NUP214: variants seen among roughly 807,000 people sequenced by gnomAD.
NUP214 encodes the protein nuclear pore complex protein Nup214.
NUP214 carries 79 observed loss-of-function variants against 196.2 expected under a neutral mutation model. That is an observed-to-expected ratio of 0.40 (90% CI 0.34 to 0.49). NUP214 has a LOEUF of 0.49. NUP214 is among the 20% of genes least tolerant of loss of function. NUP214 has a pLI of 0.58. For missense variants in NUP214, 2,468 were observed against 2,539.0 expected, an observed-to-expected ratio of 0.97 and a Z score of 0.60; for synonymous variants, 1,020 against 990.5, an observed-to-expected ratio of 1.03 and a Z score of -0.56.
intron 30 of NUP214, among the ~76,000 whole-genome samples, chr9:131,203,136 G>A (rs1407118548): frequency 5.9e-5 from 9 of 151,556 alleles, no homozygotes; most frequent in Admixed American, 5.9e-4. Context: ...TAGTAGAGAC[G>A]GGGTTTCGCT....
chr9:131,145,542 G>T (rs898427774), intron 12 of NUP214, among the ~76,000 whole-genome samples: 1 of 152,132 alleles, frequency 6.6e-6, no homozygotes, highest in African/African-American at 2.4e-5. Flanking sequence ...TCATGCTAAG[G>T]GTTGCATAGT....
At position 131,232,158 on chromosome 9, in the gene NUP214, G is replaced by A; in HGVS notation, c.6215-126G>A. ...CTGTGTGTACCTTTCCTGCCTTCCT[G>A]TAGGTGGTGGAGGCACGGAGGGCTT... On this transcript the variant is annotated intron_variant, in intron 34 of 35. Coordinates refer to ENST00000359428, the MANE Select transcript of NUP214 (RefSeq NM_005085.4). The surrounding 1 kb of genome is among the most constrained non-coding windows in gnomAD (Gnocchi z 5.1). The A allele has an allele frequency of 4.5e-6, 4 of 898,418 alleles. No individual in the cohort carries two copies. The highest frequency in any genetic ancestry group is 7.5e-6 in the Non-Finnish European group (4 of 532,648). The allele number at this position is 898,418 out of a possible 1,614,324, so 55.7% of individuals were successfully genotyped here.
At chr9:131,188,044 A>G (rs1426070862) in intron 25 of NUP214, among the ~76,000 whole-genome samples, 1 of 152,236 alleles carries the variant, frequency 6.6e-6, no homozygotes, top group African/African-American at 2.4e-5. Context: ...CTCACTGGTG[A>G]GGCAGCCTAG....
At position 131,129,368 on chromosome 9, in the gene NUP214, C is replaced by T; in HGVS notation, c.483C>T (p.Val161=). The part of the protein sequence containing the change: ...MVIDMKWNPT[V]PSMVAVCLAD... ...TTGATATGAAGTGGAACCCCACTGT[C>T]CCCTCCATGGTGGCAGTTTGTCTGG... is the stretch of plus-strand genomic sequence containing the variant. The change falls in exon 4 of 36, where the codon GTC becomes GTT. Residue 161 remains valine (V), a synonymous_variant. Coordinates refer to ENST00000359428, the MANE Select transcript of NUP214 (RefSeq NM_005085.4). 6.2e-7 allele frequency: 1 copy of T among 1,614,182 alleles called. No individual in the cohort carries two copies. Among genetic ancestry groups the T allele is most frequent in the Non-Finnish European group, 8.5e-7 (1 of 1,180,016 alleles).
At chr9:131,168,999 T>C (rs907004762) in intron 21 of NUP214, among the ~76,000 whole-genome samples, 12 of 151,370 alleles carry the variant, frequency 7.9e-5, no homozygotes, top group Non-Finnish European at 1.2e-4. Context: ...AGGTGTTCTG[T>C]CCAATATGGT....
At chr9:131,182,807 C>CT (rs1162129302) in intron 24 of NUP214, among the ~76,000 whole-genome samples, 7 of 151,968 alleles carry the variant, frequency 4.6e-5, no homozygotes, top group African/African-American at 1.7e-4. Flanking sequence ...GTTTTTCTGC[C>CT]TTTTTTTGGG....
At chr9:131,207,865 G>A (rs1381802534) in intron 30 of NUP214, among the ~76,000 whole-genome samples, 1 of 152,196 alleles carries the variant, frequency 6.6e-6, no homozygotes, top group Non-Finnish European at 1.5e-5. Context: ...GTAGTAGAGA[G>A]GACTTGCCAA....
chr9:131,229,500 A>G, intron 33 of NUP214: 1 of 341,608 alleles, frequency 2.9e-6, no homozygotes, highest in Non-Finnish European at 5.7e-6. Context: ...TTGTGAATTG[A>G]TTTATTTATT....
chr9:131,216,525 CT>C (rs59503012), intron 31 of NUP214, among the ~76,000 whole-genome samples: 97 of 126,248 alleles, frequency 7.7e-4, no homozygotes, highest in African/African-American at 1.0e-3. Context: ...CACGCCCAGG[CT>C]TTTTTTTTTT....
Position 131,127,580 on chromosome 9 carries a change from G to A in NUP214, c.102G>A (p.Leu34=). Residue 34 remains leucine (L), a synonymous_variant, in exon 2 of 36, where the codon TTG becomes TTA. Coordinates refer to ENST00000359428, the MANE Select transcript of NUP214 (RefSeq NM_005085.4). ...GAATCTTTGACTCCCCTGAGGAATT[G>A]CCCAAGGAACGCTCGAGTCTGCTTG... ...KVRIFDSPEE[L]PKERSSLLAV... is the part of the protein sequence containing the mutation. 1 of 1,614,126 alleles carries A rather than the reference G, an allele frequency of 6.2e-7. No individual in the cohort carries two copies. The highest frequency in any genetic ancestry group is 8.5e-7 in the Non-Finnish European group (1 of 1,179,972).
chr9:131,174,637 C>T lies in NUP214; in HGVS notation c.3157+319C>T, dbSNP rs949602351. On this transcript the variant is annotated intron_variant, in intron 22 of 35. Coordinates refer to ENST00000359428, the MANE Select transcript of NUP214 (RefSeq NM_005085.4). The stretch of plus-strand genomic sequence containing the variant: ...CTAATTTTTGTATTTTTAGTGGAGA[C>T]GGGGTTTCACCATGTTGTGTTGGCC... Among the ~76,000 whole-genome samples the T allele has an allele frequency of 2.6e-5, 4 of 151,690 alleles. No homozygotes were observed. In the South Asian group the frequency reaches 6.3e-4, roughly 24 times the overall value.
chr9:131,150,508 G>T (rs187416037), intron 15 of NUP214, 98 bp downstream of exon 15: 3 of 1,567,138 alleles, frequency 1.9e-6, no homozygotes, highest in Non-Finnish European at 1.8e-6. Context: ...TCATTCTAGC[G>T]CTGAAGCATG....
chr9:131,219,773 G>A (rs773738498), intron 31 of NUP214, among the ~76,000 whole-genome samples: 5 of 152,170 alleles, frequency 3.3e-5, no homozygotes, highest in African/African-American at 4.8e-5. Flanking sequence ...TGAAGAAGCC[G>A]TTTGATGATG....
chr9:131,168,310 C>T (rs1208133888), intron 21 of NUP214, among the ~76,000 whole-genome samples: 1 of 152,190 alleles, frequency 6.6e-6, no homozygotes, highest in Non-Finnish European at 1.5e-5. Flanking sequence ...AGTAGGTATG[C>T]ACCTTTATTA....
At chr9:131,229,699 CA>C in intron 33 of NUP214, 1 of 518,700 alleles carries the variant, frequency 1.9e-6, no homozygotes, top group Non-Finnish European at 3.9e-6. Flanking sequence ...CCCTGAAGGG[CA>C]GGCTGTTGCT....
At position 131,198,199 on chromosome 9, in the gene NUP214, C is replaced by G. The variant is rs976060009; in HGVS notation, c.4705C>G (p.Pro1569Ala). 3.1e-6 allele frequency: 5 copies of G among 1,614,216 alleles called. No individual in the cohort carries two copies. The East Asian group carries it at 8.9e-5, about 29-fold the overall frequency. ...TGTAGCACTTTCTGCAGAGGCTACC[C>G]CAGCCACCACGGGGGTCCCTGATGC... ...SLVALSAEAT[P>A]ATTGVPDART... is the part of the protein sequence containing the mutation. Residue 1569 changes from proline (P) to alanine (A), a missense_variant, in exon 29 of 36, where the codon CCA becomes GCA. By Grantham distance (27) the Pro-to-Ala change is conservative (BLOSUM62 -1). Transcript: ENST00000359428.
At chr9:131,151,283 C>T (rs1249528852) in intron 16 of NUP214, among the ~76,000 whole-genome samples, 2 of 152,198 alleles carry the variant, frequency 1.3e-5, no homozygotes, top group Non-Finnish European at 2.9e-5. Context: ...TTTGCTGTGT[C>T]ATACATACTG....
In NUP214 at chr9:131,198,098, ACT is replaced by A. The variant is rs1833843961; in HGVS notation, c.4607_4608del (p.Ser1536CysfsTer2). 1 of 1,613,918 alleles carries A rather than the reference ACT, an allele frequency of 6.2e-7. No homozygotes were observed. The highest frequency in any genetic ancestry group is 8.5e-7 in the Non-Finnish European group (1 of 1,179,956). On this transcript the variant is annotated frameshift_variant, in exon 29 of 36. Coordinates refer to ENST00000359428, the MANE Select transcript of NUP214 (RefSeq NM_005085.4). LOFTEE classifies it high-confidence loss of function. ...CCCCAGGCTCCTCCGCAAACTTCTG[ACT>A]CTGTTAAAAAAGAACCTGTTCTTGC...
Position 131,144,322 on chromosome 9 carries a change from A to C in NUP214, c.1337A>C (p.Lys446Thr), listed in dbSNP as rs200598086. 12 of 1,614,044 alleles carry C rather than the reference A, an allele frequency of 7.4e-6. No individual in the cohort carries two copies. Among genetic ancestry groups the C allele is most frequent in the Non-Finnish European group, 7.6e-6 (9 of 1,180,002 alleles). Residue 446 changes from lysine to threonine, a missense_variant, in exon 12 of 36, where the codon AAA becomes ACA. By Grantham distance (78) the Lys-to-Thr change is moderately conservative. Coordinates refer to ENST00000359428, the MANE Select transcript of NUP214 (RefSeq NM_005085.4). ...CCAACCTCCTCTCAAGCCCCACAGA[A>C]ACTGGATGCTTCTGCAGCTGCAGCC... ...TTPTSSQAPQ[K>T]LDASAAAAPA... is the part of the protein sequence containing the mutation.
Sources: allele counts gnomAD v4.1 joint callset (sites outside exome capture counted in the v4.1 genomes callset), GRCh38; gene constraint gnomAD v4.1.1; non-coding constraint Gnocchi (gnomAD v3.1); transcripts MANE v1.5; gene names NCBI Gene and HGNC (gene_info 2026-07-23, HGNC 2026-07-21).